The following PLCH1 variants were observed in gnomAD, a reference collection of about 807,000 sequenced individuals.
The protein encoded by PLCH1 is phospholipase C eta 1.
PLCH1 carries 60 observed loss-of-function variants against 126.7 expected under a neutral mutation model. The ratio of observed to expected loss-of-function variants is 0.47; its 90% confidence interval spans 0.38 to 0.59. The LOEUF (loss-of-function observed/expected upper bound fraction) is 0.59, where lower values mean the gene tolerates loss of function less well. Among genes scored for constraint, PLCH1 ranks in the 20% least tolerant of loss-of-function variants. PLCH1 has a pLI of 0.00. For missense variants in PLCH1, 1,723 were observed against 2,040.0 expected (o/e 0.84, Z 2.99); for synonymous variants, 719 against 734.9 (o/e 0.98, Z 0.35).
intron 1 of PLCH1, among the ~76,000 whole-genome samples, chr3:155,727,273 C>G (rs1441617597): frequency 6.6e-6 from 1 of 151,648 alleles, no homozygotes; most frequent in Non-Finnish European, 1.5e-5. Flanking sequence ...TGCTCATTTG[C>G]CTTTTAATTT....
intron 2 of PLCH1, among the ~76,000 whole-genome samples, chr3:155,633,009 A>T (rs1277695260): frequency 1.3e-5 from 2 of 152,094 alleles, no homozygotes; most frequent in African/African-American, 4.8e-5. Flanking sequence ...ACCATAACGT[A>T]TTTCCAGATT....
intron 2 of PLCH1, among the ~76,000 whole-genome samples, chr3:155,691,749 C>A (rs1253051012): frequency 6.6e-6 from 1 of 152,212 alleles, no homozygotes; most frequent in Non-Finnish European, 1.5e-5. Context: ...TCAATTCCTG[C>A]ATTTCATATT....
chr3:155,741,681 C>T (rs183804754), intron 1 of PLCH1, among the ~76,000 whole-genome samples: 4 of 90,944 alleles, frequency 4.4e-5, no homozygotes, highest in Admixed American at 2.0e-4. Context: ...AATTTTATAT[C>T]CTCTTTTTTT....
At chr3:155,576,339 A>G (rs980959303) in intron 6 of PLCH1, among the ~76,000 whole-genome samples, 1 of 152,216 alleles carries the variant, frequency 6.6e-6, no homozygotes, top group East Asian at 1.9e-4. Flanking sequence ...AGATGAAAGG[A>G]AGAGAAGAAA....
chr3:155,621,710 GAA>G (rs1560261530), intron 2 of PLCH1, among the ~76,000 whole-genome samples: 1 of 152,160 alleles, frequency 6.6e-6, no homozygotes, highest in African/African-American at 2.4e-5. Context: ...CAAGATTAGA[GAA>G]AAAAGAGTGA....
chr3:155,668,434 G>A (rs1388824477), intron 2 of PLCH1, among the ~76,000 whole-genome samples: 1 of 152,118 alleles, frequency 6.6e-6, no homozygotes, highest in Non-Finnish European at 1.5e-5. Flanking sequence ...ATCTTCGTGG[G>A]CATGCATGGG....
At chr3:155,687,486 T>C (rs907215633) in intron 2 of PLCH1, among the ~76,000 whole-genome samples, 1 of 152,080 alleles carries the variant, frequency 6.6e-6, no homozygotes, top group African/African-American at 2.4e-5. Context: ...TAAGAGAAAA[T>C]TTTACATTAC....
At chr3:155,665,987 T>C (rs1472108922) in intron 2 of PLCH1, among the ~76,000 whole-genome samples, 4 of 152,222 alleles carry the variant, frequency 2.6e-5, no homozygotes, top group East Asian at 1.9e-4. Flanking sequence ...TCAATCACCA[T>C]AGATATTCAC....
intron 2 of PLCH1, among the ~76,000 whole-genome samples, chr3:155,679,822 A>G (rs1744370522): frequency 6.6e-6 from 1 of 152,216 alleles, no homozygotes; most frequent in African/African-American, 2.4e-5. Context: ...CACATTTTAA[A>G]GGTAAGAAAA....
chr3:155,609,032 C>T (rs1398116703), intron 2 of PLCH1, among the ~76,000 whole-genome samples: 1 of 152,198 alleles, frequency 6.6e-6, no homozygotes, highest in East Asian at 1.9e-4. Flanking sequence ...TACTGGCTAA[C>T]CAGAGGTCCT....
intron 8 of PLCH1, among the ~76,000 whole-genome samples, chr3:155,556,318 A>G (rs2108477861): frequency 6.6e-6 from 1 of 152,266 alleles, no homozygotes; most frequent in Non-Finnish European, 1.5e-5. Context: ...GTGACATTGC[A>G]ACTCCAGCCT....
Position 155,699,822 on chromosome 3 carries a change from T to TCACACACACACACA in PLCH1, c.79+4310_79+4323dup, listed in dbSNP as rs59082626. On this transcript the variant is annotated intron_variant, in intron 2 of 22. Coordinates refer to ENST00000460012, the MANE Select transcript of PLCH1 (RefSeq NM_014996.4). ...ATGGTCAGGAGAAACCTGTGACCAT[T>TCACACACACACACA]CACACACACACACACACACACACAC... Among the ~76,000 whole-genome samples, 314 of 147,782 alleles carry TCACACACACACACA rather than the reference T, an allele frequency of 2.1e-3. 2 individuals carry two copies. Among genetic ancestry groups the TCACACACACACACA allele is most frequent in the African/African-American group, 6.8e-3 (265 of 39,144 alleles).
In PLCH1 at chr3:155,619,729, C is replaced by T. The variant is rs180800840; in HGVS notation, c.80-23351G>A. On this transcript the variant is annotated intron_variant, in intron 2 of 22. Coordinates refer to ENST00000460012, the MANE Select transcript of PLCH1 (RefSeq NM_014996.4). The stretch of plus-strand genomic sequence containing the variant: ...CCTAAAGAATCCAAGGGACTAAAAG[C>T]TTCAGAGACCACCTGCTATGCTGAA... Among the ~76,000 whole-genome samples the T allele has an allele frequency of 3.4e-4, 52 of 152,246 alleles. No homozygotes were observed. The East Asian group carries it at 9.7e-3, about 28-fold the overall frequency.
chr3:155,626,882 A>G (rs1737374626), intron 2 of PLCH1, among the ~76,000 whole-genome samples: 1 of 151,988 alleles, frequency 6.6e-6, no homozygotes, highest in Non-Finnish European at 1.5e-5. Flanking sequence ...CATATCTACA[A>G]GAATATCTAA....
At chr3:155,737,231 C>CAAAAAAAAAAAAAAAAAAAAAAAAA (rs557369057) in intron 1 of PLCH1, among the ~76,000 whole-genome samples, 8 of 59,532 alleles carry the variant, frequency 1.3e-4, no homozygotes, top group African/African-American at 4.0e-4. Context: ...GCCTCCGTCT[C>CAAAAAAAAAAAAAAAAAAAAAAAAA]AAAAAAAAAA....
chr3:155,620,270 A>G (rs1736299921), intron 2 of PLCH1, among the ~76,000 whole-genome samples: 4 of 152,252 alleles, frequency 2.6e-5, no homozygotes. Context: ...CCCTCTGCAT[A>G]AAAGATTTAT....
intron 10 of PLCH1, among the ~76,000 whole-genome samples, chr3:155,533,510 C>A (rs900354373): frequency 2.0e-5 from 3 of 152,336 alleles, no homozygotes; most frequent in Non-Finnish European, 4.4e-5. Flanking sequence ...CATGCCACTG[C>A]ATTCCAGCCT....
downstream of PLCH1, among the ~76,000 whole-genome samples, chr3:155,479,439 A>C (rs1204877259): frequency 6.6e-6 from 1 of 152,164 alleles, no homozygotes; most frequent in African/African-American, 2.4e-5. Flanking sequence ...GTTGGGGACC[A>C]AGGGAACCAG....
intron 7 of PLCH1, among the ~76,000 whole-genome samples, chr3:155,567,051 A>G (rs1450925689): frequency 6.6e-6 from 1 of 152,096 alleles, no homozygotes; most frequent in East Asian, 1.9e-4. Flanking sequence ...ACAGTTTTTA[A>G]TGATATAAGA....
Sources: allele counts gnomAD v4.1 joint callset (sites outside exome capture counted in the v4.1 genomes callset), GRCh38; gene constraint gnomAD v4.1.1; transcripts MANE v1.5; gene names NCBI Gene and HGNC (gene_info 2026-07-23, HGNC 2026-07-21).